TEX11: variants seen among roughly 807,000 people sequenced by gnomAD.
TEX11 encodes the protein testis expressed 11.
In TEX11, 7 loss-of-function variants were observed where a neutral mutation model predicts 84.4. That is an observed-to-expected ratio of 0.08 (90% confidence interval 0.05 to 0.16). TEX11 has a LOEUF of 0.16. Ranked by LOEUF, TEX11 falls within the 10% of genes least tolerant of loss-of-function variation. The pLI is 1.00. For missense variants in TEX11, 551 were observed against 660.5 expected, an observed-to-expected ratio of 0.83 and a Z score of 1.82; for synonymous variants, 264 against 222.8, an observed-to-expected ratio of 1.18 and a Z score of -1.64.
intron 24 of TEX11, among the ~76,000 whole-genome samples, chrX:70,602,114 C>T (rs888963999): frequency 6.3e-5 from 7 of 111,695 alleles, no homozygotes; most frequent in Admixed American, 4.7e-4. Flanking sequence ...TAGGGGCGGC[C>T]GGGCAGAAGC....
At chrX:70,848,220 T>A (rs961103055) in intron 7 of TEX11, among the ~76,000 whole-genome samples, 2 of 112,119 alleles carry the variant, frequency 1.8e-5, no homozygotes, top group African/African-American at 6.5e-5. Context: ...TTCAAAGAGG[T>A]ATATTTGGGC....
At chrX:70,582,484 T>C (rs1240470853) in intron 25 of TEX11, among the ~76,000 whole-genome samples, 3 of 111,452 alleles carry the variant, frequency 2.7e-5, no homozygotes, top group Non-Finnish European at 5.7e-5. Context: ...CCTTAATTTA[T>C]TGATTAATGC....
chrX:70,584,340 T>C (rs1207236050), intron 25 of TEX11, among the ~76,000 whole-genome samples: 2 of 110,351 alleles, frequency 1.8e-5, no homozygotes, highest in Non-Finnish European at 1.9e-5. Context: ...AATTACTAAA[T>C]TGACTTTAGA....
chrX:70,767,900 C>T (rs988544564), intron 9 of TEX11, among the ~76,000 whole-genome samples: 2 of 111,276 alleles, frequency 1.8e-5, no homozygotes, highest in Non-Finnish European at 3.8e-5. Flanking sequence ...CATGTTCTCA[C>T]TTATTTGTGG....
At chrX:70,639,391 G>A (rs2089619331) in intron 17 of TEX11, among the ~76,000 whole-genome samples, 1 of 112,116 alleles carries the variant, frequency 8.9e-6, no homozygotes, top group African/African-American at 3.2e-5. Flanking sequence ...AAGCAGCCGG[G>A]AAGCTCGAAC....
rs183194318 is a variant in TEX11, at chrX:70,754,207, G to A, written c.693-9988C>T. On this transcript the variant is annotated intron_variant, in intron 9 of 29. Coordinates refer to ENST00000374333, the MANE Select transcript of TEX11 (RefSeq NM_031276.3). ...CTGGACCGTGAGTGAGAAGGGAGCC[G>A]GGTGCTGTGAAGGGTGAGTCCCAGA... Among the ~76,000 whole-genome samples, 8 of 109,559 alleles carry A rather than the reference G, an allele frequency of 7.3e-5. No individual in the cohort carries two copies. In the East Asian group the frequency reaches 1.2e-3, roughly 16 times the overall value.
intron 8 of TEX11, among the ~76,000 whole-genome samples, chrX:70,832,705 G>C (rs1377111670): frequency 9.0e-6 from 1 of 111,616 alleles, no homozygotes; most frequent in African/African-American, 3.3e-5. Context: ...AGAAAGAATG[G>C]AAAGGGAAGA....
intron 13 of TEX11, among the ~76,000 whole-genome samples, chrX:70,714,703 G>C (rs1401566996): frequency 9.0e-6 from 1 of 111,225 alleles, no homozygotes; most frequent in Non-Finnish European, 1.9e-5. Context: ...CGTGAGATGG[G>C]TTTCCTGAAT....
At chrX:70,713,864 G>A (rs1450423626) in intron 13 of TEX11, among the ~76,000 whole-genome samples, 3 of 111,207 alleles carry the variant, frequency 2.7e-5, no homozygotes, top group African/African-American at 9.8e-5. Context: ...TGCTTCTCTA[G>A]TTCTTTTAAT....
At chrX:70,726,939 T>A (rs932884297) in intron 11 of TEX11, among the ~76,000 whole-genome samples, 2 of 109,976 alleles carry the variant, frequency 1.8e-5, no homozygotes, top group Non-Finnish European at 3.8e-5. Flanking sequence ...GCTCAAGCAA[T>A]CCTCCTGTCT....
chrX:70,606,430 C>T (rs943683206), intron 23 of TEX11, among the ~76,000 whole-genome samples: 7 of 111,936 alleles, frequency 6.3e-5, no homozygotes, highest in Admixed American at 2.8e-4. Context: ...TGGAGGCCAA[C>T]GACTATTTAA....
intron 16 of TEX11, among the ~76,000 whole-genome samples, chrX:70,666,367 A>C (rs938277352): frequency 8.9e-6 from 1 of 112,156 alleles, no homozygotes; most frequent in Non-Finnish European, 1.9e-5. Context: ...AAAGATACTG[A>C]GGTAGAAAAC....
Position 70,577,316 on chromosome X carries a change from G to T in TEX11, c.2140+14435C>A, listed in dbSNP as rs1415234694. ...GGAGAATTCTTACCAGAGAAATGTT[G>T]CCATATGCAGATTAAAATTGTGACT... On this transcript the variant is annotated intron_variant, in intron 25 of 29. Transcript: ENST00000374333. 9.9e-5 allele frequency among the ~76,000 whole-genome samples: 11 copies of T among 111,672 alleles called. No individual in the cohort carries two copies. The Admixed American group carries it at 1.1e-3, about 11-fold the overall frequency.
At chrX:70,516,917 CTGTT>C in the TEX11 span, among the ~76,000 whole-genome samples, 144 of 111,275 alleles carry the variant, frequency 1.3e-3, 3 homozygotes, top group Admixed American at 0.012. Flanking sequence ...ATTTGGCTCT[CTGTT>C]TGTCTGTTAT....
At chrX:70,869,699 C>T (rs777147514) in intron 4 of TEX11, among the ~76,000 whole-genome samples, 2 of 110,743 alleles carry the variant, frequency 1.8e-5, no homozygotes, top group African/African-American at 6.6e-5. Flanking sequence ...TTGACCTGAG[C>T]CCAGGAGGCA....
At chrX:70,532,854 T>C (rs975753109) in intron 28 of TEX11, among the ~76,000 whole-genome samples, 8 of 110,097 alleles carry the variant, frequency 7.3e-5, no homozygotes, top group Admixed American at 3.9e-4. Context: ...TTGGCTAACA[T>C]GGTGAAATCC....
chrX:70,886,510 T>TCTG (rs1180075898), intron 2 of TEX11, among the ~76,000 whole-genome samples: 1 of 111,471 alleles, frequency 9.0e-6, no homozygotes, highest in African/African-American at 3.3e-5. Context: ...GCAATACAGA[T>TCTG]CTGCTATACA....
intron 8 of TEX11, among the ~76,000 whole-genome samples, chrX:70,810,919 C>T (rs953690439): frequency 7.2e-5 from 8 of 111,541 alleles, no homozygotes; most frequent in Non-Finnish European, 1.3e-4. Context: ...AAAACATGGA[C>T]AAATCTAACC....
intron 9 of TEX11, among the ~76,000 whole-genome samples, chrX:70,798,268 G>A (rs1449140295): frequency 1.8e-5 from 2 of 110,786 alleles, no homozygotes; most frequent in Admixed American, 9.6e-5. Flanking sequence ...AAATACTTAT[G>A]AGTAAATTTA....
Sources: allele counts gnomAD v4.1 joint callset (sites outside exome capture counted in the v4.1 genomes callset), GRCh38; gene constraint gnomAD v4.1.1; transcripts MANE v1.5; gene names NCBI Gene and HGNC (gene_info 2026-07-23, HGNC 2026-07-21).